Variants in CTNNA3 observed in about 807,000 individuals in gnomAD.
CTNNA3 encodes catenin alpha-3.
A neutral mutation model predicts 95.7 loss-of-function variants in CTNNA3; 76 were observed. That is an observed-to-expected ratio of 0.79 (90% CI 0.66 to 0.96). The LOEUF (loss-of-function observed/expected upper bound fraction) is 0.96, where lower values mean the gene tolerates loss of function less well. Among genes scored for constraint, CTNNA3 ranks in the 40% least tolerant of loss-of-function variants. The pLI, the probability that CTNNA3 is intolerant of heterozygous loss-of-function variation, is 0.00. For synonymous variants in CTNNA3, 431 were observed against 374.4 expected (o/e 1.15, Z -1.74); for missense variants, 1,191 against 1,089.8 (o/e 1.09, Z -1.31).
At chr10:66,511,790 C>T (rs1840672244) in intron 11 of CTNNA3, among the ~76,000 whole-genome samples, 1 of 151,838 alleles carries the variant, frequency 6.6e-6, no homozygotes, top group South Asian at 2.1e-4. Flanking sequence ...ATAGGGTCTA[C>T]CCTAGAGAAT....
At chr10:66,769,248 AG>A (rs1839988127) in intron 8 of CTNNA3, among the ~76,000 whole-genome samples, 1 of 152,252 alleles carries the variant, frequency 6.6e-6, no homozygotes, top group South Asian at 2.1e-4. Flanking sequence ...GTCCCATGAC[AG>A]AAGGAAATGC....
At chr10:66,895,873 T>C (rs950100699) in intron 7 of CTNNA3, among the ~76,000 whole-genome samples, 2 of 144,660 alleles carry the variant, frequency 1.4e-5, no homozygotes, top group East Asian at 2.0e-4. Context: ...AGGTCAGAAG[T>C]TCGAGACCAG....
At position 66,817,058 on chromosome 10, in the gene CTNNA3, A is replaced by T. The variant is rs190402351; in HGVS notation, c.1048-41534T>A. On this transcript the variant is annotated intron_variant, in intron 7 of 17. Coordinates refer to ENST00000433211, the MANE Select transcript of CTNNA3 (RefSeq NM_013266.4). The stretch of plus-strand genomic sequence containing the variant: ...GGGACAGCCATAACTGTAAATGCTT[A>T]TGTTAGAAAACAAATGAGATCTCAT... Among the ~76,000 whole-genome samples, 627 of 152,164 alleles carry T rather than the reference A, an allele frequency of 4.1e-3. 5 individuals are homozygous for T. Among genetic ancestry groups the T allele is most frequent in the African/African-American group, 0.014 (570 of 41,556 alleles).
At chr10:66,622,276 A>T (rs1026854609) in intron 9 of CTNNA3, among the ~76,000 whole-genome samples, 1 of 152,178 alleles carries the variant, frequency 6.6e-6, no homozygotes, top group South Asian at 2.1e-4. Flanking sequence ...GAACAAATAC[A>T]AGATAATTAA....
intron 5 of CTNNA3, among the ~76,000 whole-genome samples, chr10:67,415,767 C>CA (rs1845518732): frequency 6.6e-6 from 1 of 152,092 alleles, no homozygotes. Context: ...ATATGGTAAT[C>CA]AAAACAGCAT....
intron 9 of CTNNA3, among the ~76,000 whole-genome samples, chr10:66,750,174 A>T (rs1377727482): frequency 6.6e-6 from 1 of 152,058 alleles, no homozygotes; most frequent in Non-Finnish European, 1.5e-5. Flanking sequence ...TTGTTTTCTT[A>T]TTCTCTTCAT....
chr10:67,374,453 T>C (rs1421553031), intron 5 of CTNNA3, among the ~76,000 whole-genome samples: 1 of 152,154 alleles, frequency 6.6e-6, no homozygotes, highest in South Asian at 2.1e-4. Flanking sequence ...AATAAATAAA[T>C]AAATATTAAC....
intron 3 of CTNNA3, among the ~76,000 whole-genome samples, chr10:67,602,393 C>T (rs900309315): frequency 3.9e-5 from 6 of 152,162 alleles, no homozygotes; most frequent in African/African-American, 1.2e-4. Flanking sequence ...CCCCAAATTC[C>T]AGAACGATGT....
At position 67,084,052 on chromosome 10, in the gene CTNNA3, T is replaced by C. The variant is rs181480900; in HGVS notation, c.1047+96265A>G. 4.2e-3 allele frequency among the ~76,000 whole-genome samples: 646 copies of C among 152,238 alleles called. 4 individuals carry two copies. The highest frequency in any genetic ancestry group is 0.017 in the Middle Eastern group (5 of 294). Reference sequence around the variant, plus strand: ...TTTGCAACACTTTTCAGGGAGAAGGTAGGATCAGGAGCTCCAGTGTTTCCT... The same window carrying C: ...TTTGCAACACTTTTCAGGGAGAAGGCAGGATCAGGAGCTCCAGTGTTTCCT... On this transcript the variant is annotated intron_variant, in intron 7 of 17. Transcript: ENST00000433211.
intron 13 of CTNNA3, among the ~76,000 whole-genome samples, chr10:66,245,386 T>C (rs1035485749): frequency 6.6e-6 from 1 of 152,224 alleles, no homozygotes; most frequent in Middle Eastern, 3.2e-3. Context: ...ACAGCTCTTC[T>C]TCTCTTCTCC....
chr10:67,264,911 T>C lies in CTNNA3; in HGVS notation c.580-45041A>G, dbSNP rs139910092. Among the ~76,000 whole-genome samples the C allele has an allele frequency of 4.8e-3, 725 of 152,292 alleles. 7 individuals are homozygous for C. The highest frequency in any genetic ancestry group is 0.016 in the African/African-American group (680 of 41,584). On this transcript the variant is annotated intron_variant, in intron 5 of 17. Transcript: ENST00000433211. ...ATATGAAGGCATCGAGAAAAGACTA[T>C]GAAAAATCCAATTCTAGTGTTTTGA...
intron 7 of CTNNA3, among the ~76,000 whole-genome samples, chr10:66,824,131 CT>C (rs368284547): frequency 1.0e-4 from 15 of 150,410 alleles, no homozygotes; most frequent in African/African-American, 3.4e-4. Context: ...GTATGGGGTT[CT>C]ATTCAGCATG....
chr10:65,938,303 A>G (rs940331347), intron 17 of CTNNA3, among the ~76,000 whole-genome samples: 2 of 152,180 alleles, frequency 1.3e-5, no homozygotes, highest in Non-Finnish European at 2.9e-5. Context: ...AACCAAAGCT[A>G]CAGGATTGTC....
intron 5 of CTNNA3, among the ~76,000 whole-genome samples, chr10:67,463,256 A>G (rs1589316333): frequency 2.0e-5 from 3 of 151,190 alleles, no homozygotes; most frequent in African/African-American, 7.2e-5. Context: ...CACGGCATCC[A>G]ATATATTGTA....
At chr10:67,755,815 A>AG (rs1841429844) in intron 1 of CTNNA3, among the ~76,000 whole-genome samples, 1 of 150,798 alleles carries the variant, frequency 6.6e-6, no homozygotes, top group African/African-American at 2.4e-5. Context: ...AAAAAAAAAA[A>AG]AAAAAAAGAA....
rs544189808 is a variant in CTNNA3, at chr10:66,372,941, G to A, written c.1732+6211C>T. Among the ~76,000 whole-genome samples the A allele has an allele frequency of 7.9e-5, 12 of 152,214 alleles. No homozygotes were observed. In the East Asian group the frequency reaches 2.3e-3, roughly 29 times the overall value. ...AAAATGAGATTTGGGTGGGGACACA[G>A]CCAAACCACATCAGTTACATATTTT... On this transcript the variant is annotated intron_variant, in intron 12 of 17. Coordinates refer to ENST00000433211, the MANE Select transcript of CTNNA3 (RefSeq NM_013266.4).
intron 7 of CTNNA3, among the ~76,000 whole-genome samples, chr10:67,146,631 T>C (rs1442763193): frequency 6.6e-6 from 1 of 152,184 alleles, no homozygotes; most frequent in African/African-American, 2.4e-5. Flanking sequence ...AGTACAGGAT[T>C]GGTGGGATTT....
intron 7 of CTNNA3, among the ~76,000 whole-genome samples, chr10:67,037,709 T>C (rs1854150851): frequency 6.6e-6 from 1 of 152,178 alleles, no homozygotes; most frequent in Admixed American, 6.5e-5. Flanking sequence ...CAGGACTTTA[T>C]GACTAAATAG....
chr10:67,218,078 C>T (rs1301754381), intron 6 of CTNNA3, among the ~76,000 whole-genome samples: 1 of 152,116 alleles, frequency 6.6e-6, no homozygotes, highest in Non-Finnish European at 1.5e-5. Context: ...CAAGATAATT[C>T]ATTAGGTATA....
Sources: allele counts gnomAD v4.1 joint callset (sites outside exome capture counted in the v4.1 genomes callset), GRCh38; gene constraint gnomAD v4.1.1; transcripts MANE v1.5; gene names NCBI Gene and HGNC (gene_info 2026-07-23, HGNC 2026-07-21).